Variants in LAMA2 observed in about 807,000 individuals in gnomAD.
The protein encoded by LAMA2 is laminin subunit alpha-2.
Under a neutral mutation model 364.8 loss-of-function variants are expected in LAMA2, and 269 were observed. That is an observed-to-expected ratio of 0.74 (90% CI 0.67 to 0.82). LAMA2 has a LOEUF of 0.82. LAMA2 is among the 40% of genes least tolerant of loss of function. The pLI is 0.00. For missense variants in LAMA2, 3,807 were observed against 3,873.2 expected (o/e 0.98, Z 0.45); for synonymous variants, 1,379 against 1,370.6 (o/e 1.01, Z -0.14).
At chr6:129,250,291 C>G (rs1170702335) in intron 13 of LAMA2, 78 bp downstream of exon 13, 2 of 884,006 alleles carry the variant, frequency 2.3e-6, no homozygotes, top group Middle Eastern at 2.1e-4. Flanking sequence ...TTTTTACCTG[C>G]CTGGTTTGAC....
intron 1 of LAMA2, among the ~76,000 whole-genome samples, chr6:128,984,166 C>A (rs1783070053): frequency 6.6e-6 from 1 of 152,054 alleles, no homozygotes; most frequent in South Asian, 2.1e-4. Flanking sequence ...ATTCTTGTTT[C>A]CCCATGCTCC....
chr6:128,977,064 T>G (rs1782571816), intron 1 of LAMA2, among the ~76,000 whole-genome samples: 1 of 152,184 alleles, frequency 6.6e-6, no homozygotes, highest in Non-Finnish European at 1.5e-5. Context: ...ATGCCTTATC[T>G]GGCCTTTTTT....
chr6:129,108,983 G>A (rs2114895852), intron 4 of LAMA2, among the ~76,000 whole-genome samples: 1 of 152,180 alleles, frequency 6.6e-6, no homozygotes. Flanking sequence ...TTTAGAAAAT[G>A]TTTTTAAATA....
intron 3 of LAMA2, among the ~76,000 whole-genome samples, chr6:129,073,925 T>A (rs1173801625): frequency 6.6e-6 from 1 of 152,224 alleles, no homozygotes; most frequent in Non-Finnish European, 1.5e-5. Flanking sequence ...TGAAAATGTA[T>A]AAAAATTCTG....
At chr6:128,967,013 A>G (rs1162342939) in intron 1 of LAMA2, among the ~76,000 whole-genome samples, 1 of 152,018 alleles carries the variant, frequency 6.6e-6, no homozygotes, top group African/African-American at 2.4e-5. Context: ...AGGTGGGAAA[A>G]AGTCCTCACA....
At chr6:129,366,921 G>A (rs946945814) in intron 33 of LAMA2, among the ~76,000 whole-genome samples, 4 of 152,184 alleles carry the variant, frequency 2.6e-5, no homozygotes, top group African/African-American at 4.8e-5. Context: ...TGTGACTAAC[G>A]TGCTCAGTCT....
intron 10 of LAMA2, among the ~76,000 whole-genome samples, chr6:129,181,664 G>C (rs1780936043): frequency 6.6e-6 from 1 of 151,770 alleles, no homozygotes; most frequent in African/African-American, 2.4e-5. Context: ...CCTATAAATT[G>C]ACATAGGGAA....
intron 4 of LAMA2, among the ~76,000 whole-genome samples, chr6:129,107,410 G>A (rs1482209007): frequency 6.6e-6 from 1 of 152,044 alleles, no homozygotes; most frequent in Admixed American, 6.6e-5. Flanking sequence ...ATGAGAGTGG[G>A]GAGCATGAGA....
chr6:129,209,979 G>C (rs888535677), intron 12 of LAMA2, among the ~76,000 whole-genome samples: 41 of 134,720 alleles, frequency 3.0e-4, no homozygotes, highest in African/African-American at 1.1e-3. Flanking sequence ...ACTCCAGCCC[G>C]GGCGACAGAG....
intron 4 of LAMA2, among the ~76,000 whole-genome samples, chr6:129,101,954 A>T (rs1775542161): frequency 6.6e-6 from 1 of 151,994 alleles, no homozygotes; most frequent in African/African-American, 2.4e-5. Flanking sequence ...TTTAGTTTTC[A>T]TCCTTTTGTC....
chr6:129,077,706 T>C (rs1406514220), intron 3 of LAMA2, among the ~76,000 whole-genome samples: 1 of 152,226 alleles, frequency 6.6e-6, no homozygotes, highest in African/African-American at 2.4e-5. Context: ...TCATAGGACT[T>C]CCAAATTCTT....
intron 1 of LAMA2, among the ~76,000 whole-genome samples, chr6:129,039,978 G>T (rs1317891815): frequency 1.3e-5 from 2 of 152,180 alleles, no homozygotes; most frequent in African/African-American, 2.4e-5. Flanking sequence ...TGTAAAGTAA[G>T]GTTAGGATAT....
At chr6:129,364,752 C>T (rs1000820129) in intron 32 of LAMA2, among the ~76,000 whole-genome samples, 2 of 152,076 alleles carry the variant, frequency 1.3e-5, no homozygotes, top group African/African-American at 4.8e-5. Context: ...AGTCCATTTT[C>T]GTATTGCTAT....
intron 40 of LAMA2, among the ~76,000 whole-genome samples, chr6:129,421,853 T>C (rs1249760413): frequency 6.6e-6 from 1 of 152,012 alleles, no homozygotes; most frequent in African/African-American, 2.4e-5. Flanking sequence ...TTGCATGAGG[T>C]GACTATTCTC....
intron 28 of LAMA2, 98 bp downstream of exon 28, chr6:129,320,753 CTATTT>C: frequency 1.4e-6 from 1 of 730,228 alleles, no homozygotes; most frequent in Non-Finnish European, 2.5e-6. Context: ...TATTCTTAAT[CTATTT>C]TATTTAATCT....
chr6:129,031,503 C>T lies in LAMA2; in HGVS notation c.113-18415C>T, dbSNP rs188980775. On this transcript the variant is annotated intron_variant, in intron 1 of 64. Transcript: ENST00000421865. ...CCCATAGAGAATTCAAAGTGACTCACGAAAAGACACACAAAAGAAGAAATG... is the reference window on the plus strand; with the variant it reads ...CCCATAGAGAATTCAAAGTGACTCATGAAAAGACACACAAAAGAAGAAATG... Among the ~76,000 whole-genome samples the T allele has an allele frequency of 5.3e-5, 8 of 152,056 alleles. No homozygotes were observed. In the South Asian group the frequency reaches 8.3e-4, roughly 16 times the overall value.
At chr6:128,926,885 C>T (rs1260760653) in intron 1 of LAMA2, among the ~76,000 whole-genome samples, 1 of 152,208 alleles carries the variant, frequency 6.6e-6, no homozygotes, top group Admixed American at 6.5e-5. Context: ...CAGTACACTT[C>T]AGCTCTGCTA....
chr6:129,068,999 C>T (rs9398894), intron 3 of LAMA2, among the ~76,000 whole-genome samples: 144,923 of 152,236 alleles, frequency 0.95, 69,063 homozygotes, highest in East Asian at 0.97. Context: ...TCTAGCAATA[C>T]CATGAAAATG....
At chr6:129,478,095 G>T (rs561049370) in intron 53 of LAMA2, among the ~76,000 whole-genome samples, 5 of 152,296 alleles carry the variant, frequency 3.3e-5, no homozygotes, top group Non-Finnish European at 5.9e-5. Flanking sequence ...CACTCGGCCA[G>T]TAAACCTAAT....
Sources: gnomAD v4.1 joint callset for allele counts (sites outside exome capture counted in the v4.1 genomes callset) on GRCh38, gnomAD v4.1.1 for gene constraint, MANE v1.5 for transcripts, NCBI Gene and HGNC (gene_info 2026-07-23, HGNC 2026-07-21) for gene names.